LDHAL6A: variants seen among roughly 807,000 people sequenced by gnomAD.
LDHAL6A encodes lactate dehydrogenase A like 6A.
LDHAL6A carries 19 observed loss-of-function variants against 28.2 expected under a neutral mutation model. The observed-to-expected ratio is 0.67, with a 90% CI of 0.47 to 0.99. LDHAL6A has a LOEUF of 0.99. Among genes scored for constraint, LDHAL6A ranks in the 50% least tolerant of loss-of-function variants. The pLI is 0.00. For missense variants in LDHAL6A, 372 were observed against 398.6 expected, an observed-to-expected ratio of 0.93 and a Z score of 0.57; for synonymous variants, 144 against 134.4, an observed-to-expected ratio of 1.07 and a Z score of -0.49.
intron 1 of LDHAL6A, among the ~76,000 whole-genome samples, chr11:18,460,062 C>G (rs1848859040): frequency 6.6e-6 from 1 of 152,166 alleles, no homozygotes; most frequent in South Asian, 2.1e-4. Context: ...GCTTAGACTT[C>G]TAGGTTGATC....
At chr11:18,478,554 C>T (rs1208484919) in intron 6 of LDHAL6A, 152 bp from the exon 7 acceptor site, 25 of 550,854 alleles carry the variant, frequency 4.5e-5, no homozygotes, top group East Asian at 2.8e-4. Flanking sequence ...AGCAAGAGTC[C>T]GTCTCAAAAA....
chr11:18,459,639 C>A (rs763100427), intron 1 of LDHAL6A, among the ~76,000 whole-genome samples: 1 of 152,170 alleles, frequency 6.6e-6, no homozygotes, highest in South Asian at 2.1e-4. Context: ...GTACATTTGT[C>A]ACGATGAAAG....
chr11:18,458,369 A>C (rs1375085718), intron 1 of LDHAL6A, among the ~76,000 whole-genome samples: 1 of 152,188 alleles, frequency 6.6e-6, no homozygotes, highest in East Asian at 1.9e-4. Context: ...CTGGAGGCTT[A>C]AAATGCCACC....
At chr11:18,465,603 T>C in intron 2 of LDHAL6A, 34 bp from the exon 3 acceptor site, 1 of 1,574,470 alleles carries the variant, frequency 6.4e-7, no homozygotes, top group Non-Finnish European at 8.7e-7. Context: ...ATGTTTTCTT[T>C]CATAATCGAT....
At chr11:18,478,421 G>A (rs546282859) in intron 6 of LDHAL6A, among the ~76,000 whole-genome samples, 3 of 152,234 alleles carry the variant, frequency 2.0e-5, no homozygotes, top group Admixed American at 1.3e-4. Context: ...TCGGCCGGGC[G>A]TGGTGGTGTG....
chr11:18,464,977 GTT>G (rs67628824), intron 2 of LDHAL6A, among the ~76,000 whole-genome samples: 20 of 125,542 alleles, frequency 1.6e-4, no homozygotes, highest in East Asian at 1.2e-3. Flanking sequence ...TGTTTTTTTT[GTT>G]TTTTTTTGTT....
intron 2 of LDHAL6A, 90 bp downstream of exon 2, chr11:18,464,168 T>C: frequency 1.2e-6 from 1 of 868,728 alleles, no homozygotes. Context: ...ACCTCCCCAG[T>C]TTTTATAGAT....
At chr11:18,464,196 A>G (rs1212453600) in intron 2 of LDHAL6A, 118 bp downstream of exon 2, 4 of 667,364 alleles carry the variant, frequency 6.0e-6, no homozygotes, top group Non-Finnish European at 1.0e-5. Context: ...GTTGCTCCCT[A>G]CTCTGTACTC....
chr11:18,460,420 C>T (rs1388152689), intron 1 of LDHAL6A, among the ~76,000 whole-genome samples: 1 of 151,602 alleles, frequency 6.6e-6, no homozygotes, highest in Admixed American at 6.6e-5. Context: ...GGTGAAACCC[C>T]ATCTCTACTA....
intron 3 of LDHAL6A, among the ~76,000 whole-genome samples, chr11:18,474,337 A>G (rs900203070): frequency 6.6e-6 from 1 of 151,714 alleles, no homozygotes; most frequent in African/African-American, 2.4e-5. Flanking sequence ...TCGGCCTCCC[A>G]AAATGCTGGG....
chr11:18,464,300 A>G (rs1249396539), intron 2 of LDHAL6A, among the ~76,000 whole-genome samples: 1 of 152,214 alleles, frequency 6.6e-6, no homozygotes, highest in Non-Finnish European at 1.5e-5. Flanking sequence ...AGCAGTTATC[A>G]TGACAGCTAC....
At position 18,478,812 on chromosome 11, in the gene LDHAL6A, C is replaced by A; in HGVS notation, c.941C>A (p.Ala314Asp). Residue 314 changes from alanine to aspartate, a missense_variant, in exon 7 of 7, where the codon GCC becomes GAC. Ala to Asp is a moderately radical substitution (Grantham distance 126). This residue lies in a region of LDHAL6A where 291 missense variants were observed against 302.9 expected (regional missense o/e 0.96). Coordinates refer to ENST00000280706, the MANE Select transcript of LDHAL6A (RefSeq NM_144972.5). ...GTAAAACTGACTCTTGAAGAGGAGG[C>A]CTGCTTGCAAAAGAGTGCAGAAACA... ...IKVKLTLEEE[A>D]CLQKSAETLW... The A allele has an allele frequency of 6.2e-7, 1 of 1,613,878 alleles. No individual in the cohort carries two copies. The highest frequency in any genetic ancestry group is 2.2e-5 in the East Asian group (1 of 44,862).
At chr11:18,460,892 A>AC (rs1196052814) in intron 1 of LDHAL6A, among the ~76,000 whole-genome samples, 1 of 152,138 alleles carries the variant, frequency 6.6e-6, no homozygotes, top group African/African-American at 2.4e-5. Context: ...GCTGCAGTGC[A>AC]ATGGTCAATC....
chr11:18,473,390 TAGAC>T (rs34670581), intron 3 of LDHAL6A, among the ~76,000 whole-genome samples: 8,733 of 151,716 alleles, frequency 0.058, 371 homozygotes, highest in East Asian at 0.2. Flanking sequence ...GGTAGGTAGG[TAGAC>T]AGACAGACAG....
intron 2 of LDHAL6A, among the ~76,000 whole-genome samples, chr11:18,464,294 G>C (rs1848994337): frequency 6.6e-6 from 1 of 152,192 alleles, no homozygotes; most frequent in African/African-American, 2.4e-5. Flanking sequence ...AGTAACAGCA[G>C]TTATCATGAC....
chr11:18,456,364 C>T lies in LDHAL6A; in HGVS notation c.-317C>T, dbSNP rs1848754303. ...TCAGCTGCGGGACGGAGTGCCGTCC[C>T]AGCTGTAGTTTCATGTTTGGTGGAG... On this transcript the variant is annotated 5_prime_UTR_variant, in exon 1 of 7. Transcript: ENST00000280706. 2 of 261,888 alleles carry T rather than the reference C, an allele frequency of 7.6e-6. No homozygotes were observed. The highest frequency in any genetic ancestry group is 1.5e-5 in the Non-Finnish European group (2 of 137,652). The allele number at this position is 261,888 out of a possible 1,614,324, so 16.2% of individuals were successfully genotyped here.
At chr11:18,458,406 G>A (rs1848813237) in intron 1 of LDHAL6A, among the ~76,000 whole-genome samples, 1 of 152,186 alleles carries the variant, frequency 6.6e-6, no homozygotes, top group Non-Finnish European at 1.5e-5. Flanking sequence ...CAAACTCAGT[G>A]GTGCTCCCTG....
chr11:18,457,586 T>G (rs1848790708), intron 1 of LDHAL6A, among the ~76,000 whole-genome samples: 1 of 152,200 alleles, frequency 6.6e-6, no homozygotes, highest in Non-Finnish European at 1.5e-5. Context: ...AGCCAACTGC[T>G]GCTCCTGCCA....
chr11:18,467,878 CACATATATATATATATATATATATATAT>C (rs1849114857), intron 3 of LDHAL6A, among the ~76,000 whole-genome samples: 2 of 36,326 alleles, frequency 5.5e-5, no homozygotes, highest in South Asian at 1.4e-3. Context: ...TATATATACA[CACATATATATATATATATATATATATAT>C]ATATATATAT....
Sources: allele counts gnomAD v4.1 joint callset (sites outside exome capture counted in the v4.1 genomes callset), GRCh38; gene constraint gnomAD v4.1.1; regional missense constraint gnomAD v4.1.1; transcripts MANE v1.5; gene names NCBI Gene and HGNC (gene_info 2026-07-23, HGNC 2026-07-21).